PCLO: variants seen among roughly 807,000 people sequenced by gnomAD.
PCLO encodes the protein protein piccolo.
Under a neutral mutation model 427.5 loss-of-function variants are expected in PCLO, and 82 were observed. The observed-to-expected ratio is 0.19, with a 90% CI of 0.16 to 0.23. The LOEUF (loss-of-function observed/expected upper bound fraction) is 0.23, where lower values mean the gene tolerates loss of function less well. Among genes scored for constraint, PCLO ranks in the 10% least tolerant of loss-of-function variants. The probability of loss-of-function intolerance (pLI) is 1.00; values close to 1 mark genes in which losing one functional copy is unlikely to be tolerated. For synonymous variants in PCLO, 2,357 were observed against 2,155.4 expected, an observed-to-expected ratio of 1.09 and a Z score of -2.59; for missense variants, 6,239 against 6,115.9, an observed-to-expected ratio of 1.02 and a Z score of -0.67.
intron 13 of PCLO, among the ~76,000 whole-genome samples, chr7:82,842,941 T>C (rs958877492): frequency 2.0e-5 from 3 of 152,180 alleles, no homozygotes; most frequent in Non-Finnish European, 4.4e-5. Context: ...GGAACCCTTG[T>C]ACACTGTTGG....
rs572899256 is a variant in PCLO, at chr7:82,947,457, AAATT to A, written c.11112+2015_11112+2018del. ...TTAGTAATTCACACTCATAATTAAG[AAATT>A]AATTTATTTACTTTAAAATAGACTC... On this transcript the variant is annotated intron_variant, in intron 6 of 24. Coordinates refer to ENST00000333891, the MANE Select transcript of PCLO (RefSeq NM_033026.6). Among the ~76,000 whole-genome samples the A allele has an allele frequency of 7.2e-5, 11 of 152,292 alleles. No homozygotes were observed. The South Asian group carries it at 1.4e-3, about 20-fold the overall frequency.
intron 3 of PCLO, among the ~76,000 whole-genome samples, chr7:83,064,933 T>A (rs1435601444): frequency 6.6e-6 from 1 of 152,004 alleles, no homozygotes; most frequent in Non-Finnish European, 1.5e-5. Context: ...GGAGATGGAT[T>A]CTGTTGGAAA....
chr7:82,884,059 G>A (rs961236824), intron 9 of PCLO, among the ~76,000 whole-genome samples: 2 of 152,126 alleles, frequency 1.3e-5, no homozygotes, highest in Non-Finnish European at 2.9e-5. Flanking sequence ...GTGAGCCACC[G>A]CGCCTGGACT....
At chr7:82,834,473 G>T (rs182877711) in intron 16 of PCLO, among the ~76,000 whole-genome samples, 1 of 152,124 alleles carries the variant, frequency 6.6e-6, no homozygotes, top group African/African-American at 2.4e-5. Flanking sequence ...AAATATTTAC[G>T]TATTTATGCT....
chr7:83,156,456 G>GT, intron 1 of PCLO, 64 bp from the exon 2 acceptor site: 1 of 1,080,894 alleles, frequency 9.3e-7, no homozygotes, highest in Non-Finnish European at 1.3e-6. Flanking sequence ...TCAAATCAAA[G>GT]TAATACAAAA....
intron 22 of PCLO, among the ~76,000 whole-genome samples, chr7:82,794,726 G>A (rs1299689233): frequency 1.3e-5 from 2 of 151,330 alleles, no homozygotes; most frequent in East Asian, 1.9e-4. Flanking sequence ...TGTTCTCCTC[G>A]GTCTCCCAAA....
chr7:82,826,652 C>A lies in PCLO; in HGVS notation c.14352G>T (p.Lys4784Asn). The A allele has an allele frequency of 6.2e-7, 1 of 1,600,042 alleles. No homozygotes were observed. Among genetic ancestry groups the A allele is most frequent in the Non-Finnish European group, 8.5e-7 (1 of 1,169,756 alleles). The part of the protein sequence containing the change: ...YKSISMEQLK[K>N]KTLEVTVWDY... ...CCCAAACTGTCACCTCCAGTGTTTT[C>A]TTCTTGAGCTATATAGTTCAAATAG... The change falls in exon 18 of 25, where the codon AAG becomes AAT. Residue 4784 changes from lysine to asparagine, a missense_variant. Physicochemically the swap from Lys to Asn is moderately conservative, Grantham distance 94 (BLOSUM62 0). Coordinates refer to ENST00000333891, the MANE Select transcript of PCLO (RefSeq NM_033026.6).
Position 83,134,646 on chromosome 7 carries a change from A to T in PCLO, c.2904T>A (p.Pro968=). The change falls in exon 3 of 25, where the codon CCT becomes CCA. Residue 968 remains proline (P), a synonymous_variant. Coordinates refer to ENST00000333891, the MANE Select transcript of PCLO (RefSeq NM_033026.6). ...GTGAAGTAGGTGGCTGTGAAGGGGCAGGGGCTTGTTTCATTGGGGCCCCTG... is the reference window on the plus strand; with the variant it reads ...GTGAAGTAGGTGGCTGTGAAGGGGCTGGGGCTTGTTTCATTGGGGCCCCTG... The part of the protein sequence containing the change: ...SGPGAPMKQA[P]APSQPPTSQG... 1.2e-6 allele frequency: 2 copies of T among 1,613,832 alleles called. No homozygotes were observed. The highest frequency in any genetic ancestry group is 1.7e-6 in the Non-Finnish European group (2 of 1,179,836).
intron 6 of PCLO, among the ~76,000 whole-genome samples, chr7:82,943,211 G>A (rs1252433990): frequency 6.6e-6 from 1 of 152,132 alleles, no homozygotes; most frequent in South Asian, 2.1e-4. Flanking sequence ...CATCTGCTTT[G>A]CAATAGGATC....
At chr7:82,909,153 G>C in intron 7 of PCLO, 140 bp from the exon 8 acceptor site, 1 of 716,204 alleles carries the variant, frequency 1.4e-6, no homozygotes, top group South Asian at 2.5e-5. Context: ...CTTGGGACTA[G>C]AAAAATTATT....
chr7:83,107,203 T>C (rs936192911), intron 3 of PCLO, among the ~76,000 whole-genome samples: 1 of 152,160 alleles, frequency 6.6e-6, no homozygotes, highest in Admixed American at 6.5e-5. Context: ...TTTTCAGTCC[T>C]TACCCTTCAA....
At chr7:82,760,866 T>C in intron 23 of PCLO, 82 bp from the exon 24 acceptor site, 1 of 657,936 alleles carries the variant, frequency 1.5e-6, no homozygotes, top group Non-Finnish European at 2.4e-6. Context: ...TACTGAGAGT[T>C]CTTGTTACAT....
intron 3 of PCLO, among the ~76,000 whole-genome samples, chr7:83,035,367 G>A (rs1415732416): frequency 6.6e-6 from 1 of 152,074 alleles, no homozygotes; most frequent in African/African-American, 2.4e-5. Flanking sequence ...TAGGGCTAGA[G>A]GTTATCTTGC....
At position 82,951,249 on chromosome 7, in the gene PCLO, G is replaced by A. The variant is rs1458038586; in HGVS notation, c.9339C>T (p.Thr3113=). ...ITTQPGSIFS[T]TVRDLSGIHT... Reference sequence around the variant, plus strand: ...GAATACCAGACAAATCCCTCACTGTGGTGCTGAAAATGGAGCCAGGTTGTG... The same window carrying A: ...GAATACCAGACAAATCCCTCACTGTAGTGCTGAAAATGGAGCCAGGTTGTG... The change falls in exon 6 of 25, where the codon ACC becomes ACT. Residue 3113 remains threonine (T), a synonymous_variant. Coordinates refer to ENST00000333891, the MANE Select transcript of PCLO (RefSeq NM_033026.6). 2 of 1,613,414 alleles carry A rather than the reference G, an allele frequency of 1.2e-6. No individual in the cohort carries two copies. Among genetic ancestry groups the A allele is most frequent in the Admixed American group, 1.7e-5 (1 of 59,942 alleles).
intron 3 of PCLO, among the ~76,000 whole-genome samples, chr7:83,111,087 T>C (rs960344506): frequency 2.0e-5 from 3 of 152,238 alleles, no homozygotes; most frequent in African/African-American, 7.2e-5. Flanking sequence ...GAGATGAATT[T>C]ATTCTGATTT....
At chr7:83,088,813 T>C (rs1465071418) in intron 3 of PCLO, among the ~76,000 whole-genome samples, 1 of 152,114 alleles carries the variant, frequency 6.6e-6, no homozygotes, top group African/African-American at 2.4e-5. Flanking sequence ...AAGTACAGTG[T>C]TGCCTCCCTC....
intron 3 of PCLO, among the ~76,000 whole-genome samples, chr7:83,010,557 T>C (rs1788052432): frequency 1.3e-5 from 2 of 150,626 alleles, no homozygotes; most frequent in South Asian, 4.2e-4. Context: ...ATACAAATAA[T>C]TGTATATATG....
intron 7 of PCLO, among the ~76,000 whole-genome samples, chr7:82,913,791 T>TA (rs1474920632): frequency 6.6e-6 from 1 of 152,044 alleles, no homozygotes; most frequent in Non-Finnish European, 1.5e-5. Flanking sequence ...CTACTTTAAA[T>TA]CAGTTTTTAG....
chr7:83,088,877 C>T (rs1207232663), intron 3 of PCLO, among the ~76,000 whole-genome samples: 1 of 152,232 alleles, frequency 6.6e-6, no homozygotes, highest in East Asian at 1.9e-4. Flanking sequence ...CTCCACACTG[C>T]TGACGAGATA....
Sources: gnomAD v4.1 joint callset for allele counts (sites outside exome capture counted in the v4.1 genomes callset) on GRCh38, gnomAD v4.1.1 for gene constraint, MANE v1.5 for transcripts, NCBI Gene and HGNC (gene_info 2026-07-23, HGNC 2026-07-21) for gene names.